The following HYDIN variants were observed in gnomAD, a reference collection of about 807,000 sequenced individuals.
HYDIN encodes the protein axonemal central pair apparatus protein HYDIN.
Under a neutral mutation model 403.9 loss-of-function variants are expected in HYDIN, and 132 were observed. The observed-to-expected ratio is 0.33, with a 90% CI of 0.28 to 0.38. The LOEUF is 0.38. Ranked by LOEUF, HYDIN falls within the 10% of genes least tolerant of loss-of-function variation. HYDIN has a pLI of 1.00. For missense variants in HYDIN, 2,827 were observed against 5,009.5 expected, an observed-to-expected ratio of 0.56 and a Z score of 13.15; for synonymous variants, 1,202 against 1,891.7, an observed-to-expected ratio of 0.64 and a Z score of 9.46.
At chr16:71,136,746 G>A (rs769740217) in intron 8 of HYDIN, among the ~76,000 whole-genome samples, 16 of 131,182 alleles carry the variant, frequency 1.2e-4, no homozygotes, top group South Asian at 9.9e-4. Flanking sequence ...CAGCCCTGGC[G>A]ACAGTACGAG....
chr16:71,133,861 G>T (rs1033150669), intron 8 of HYDIN, among the ~76,000 whole-genome samples: 16 of 151,254 alleles, frequency 1.1e-4, no homozygotes, highest in South Asian at 2.1e-4. Context: ...TCAAAAGAAA[G>T]AAATAAAGGT....
At chr16:71,169,311 T>C (rs992355063) in intron 5 of HYDIN, among the ~76,000 whole-genome samples, 1 of 152,104 alleles carries the variant, frequency 6.6e-6, no homozygotes, top group Admixed American at 6.6e-5. Flanking sequence ...CGGGTGCCTA[T>C]AATCCCAGCT....
chr16:71,027,553 A>G (rs1176671289), intron 20 of HYDIN, 49 bp downstream of exon 20: 2 of 1,612,054 alleles, frequency 1.2e-6, no homozygotes, highest in South Asian at 2.2e-5. Context: ...GATACAGTAG[A>G]GATTTATTTA....
At chr16:71,044,231 G>C (rs1302305164) in intron 18 of HYDIN, among the ~76,000 whole-genome samples, 2 of 144,508 alleles carry the variant, frequency 1.4e-5, no homozygotes, top group Non-Finnish European at 1.5e-5. Context: ...CTTTTTTGTA[G>C]TTCATTTGTT....
chr16:71,100,556 A>G (rs2083427557), intron 10 of HYDIN, among the ~76,000 whole-genome samples: 1 of 152,222 alleles, frequency 6.6e-6, no homozygotes, highest in Non-Finnish European at 1.5e-5. Flanking sequence ...CAAAATGACA[A>G]AGGAAACAGA....
chr16:70,812,403 C>T (rs1239450432), intron 84 of HYDIN, among the ~76,000 whole-genome samples: 3 of 152,168 alleles, frequency 2.0e-5, no homozygotes, highest in Non-Finnish European at 4.4e-5. Context: ...GCATGAGAAT[C>T]ACTTGAATCT....
intron 39 of HYDIN, among the ~76,000 whole-genome samples, chr16:70,957,106 C>G (rs2078264784): frequency 6.6e-6 from 1 of 151,452 alleles, no homozygotes. Flanking sequence ...CGAACTGAAA[C>G]TCTGTACCCA....
At chr16:71,106,702 C>T (rs1179300428) in intron 10 of HYDIN, among the ~76,000 whole-genome samples, 6 of 151,660 alleles carry the variant, frequency 4.0e-5, no homozygotes, top group Admixed American at 2.0e-4. Flanking sequence ...CACTGTACAA[C>T]AATGAAAATG....
At chr16:70,914,537 T>C (rs1412151316) in intron 47 of HYDIN, among the ~76,000 whole-genome samples, 1 of 139,820 alleles carries the variant, frequency 7.2e-6, no homozygotes. Context: ...CCTTTGTTGA[T>C]TATGTTGTTT....
intron 76 of HYDIN, among the ~76,000 whole-genome samples, chr16:70,839,634 T>C (rs900534749): frequency 1.3e-5 from 2 of 152,090 alleles, no homozygotes; most frequent in Admixed American, 6.6e-5. Flanking sequence ...GCTCAGAACC[T>C]TGGACTAGAA....
chr16:70,842,547 C>T (rs1387573767), intron 75 of HYDIN, among the ~76,000 whole-genome samples: 1 of 152,052 alleles, frequency 6.6e-6, no homozygotes, highest in African/African-American at 2.4e-5. Flanking sequence ...TACCCTAGCT[C>T]TTGTTGGTTA....
intron 45 of HYDIN, among the ~76,000 whole-genome samples, chr16:70,931,832 T>A (rs527516308): frequency 1.3e-5 from 2 of 150,030 alleles, no homozygotes; most frequent in Non-Finnish European, 3.0e-5. Flanking sequence ...CTGGCCAATA[T>A]GGTGAAATCC....
chr16:71,115,220 G>C (rs1339690221), intron 10 of HYDIN, among the ~76,000 whole-genome samples: 1 of 152,010 alleles, frequency 6.6e-6, no homozygotes, highest in Non-Finnish European at 1.5e-5. Flanking sequence ...TAGTGAGTGA[G>C]TTCTCACGAG....
At position 70,802,936 on chromosome 16, in the gene HYDIN, A is replaced by G. The variant is rs973145947; in HGVS notation, c.*4644T>C. 1 of 152,244 alleles carries G rather than the reference A, an allele frequency of 6.6e-6. No homozygotes were observed. Among genetic ancestry groups the G allele is most frequent in the African/African-American group, 2.4e-5 (1 of 41,470 alleles). The allele number at this position is 152,244 out of a possible 1,614,324, so 9.4% of individuals were successfully genotyped here. The stretch of plus-strand genomic sequence containing the variant: ...CCAAGGACATCTCCAAATGTCTTGC[A>G]AAGTTTGGTTTTAGGATTTTGATGA... On this transcript the variant is annotated 3_prime_UTR_variant, in exon 86 of 86. Transcript: ENST00000393567.
intron 53 of HYDIN, among the ~76,000 whole-genome samples, chr16:70,897,693 A>G (rs1446727221): frequency 1.3e-5 from 2 of 151,278 alleles, no homozygotes; most frequent in Non-Finnish European, 2.9e-5. Context: ...AGATGAAATA[A>G]AACAAGTTCA....
chr16:70,955,212 C>T (rs549050791), intron 40 of HYDIN, among the ~76,000 whole-genome samples, 163 bp downstream of exon 40: 9 of 151,816 alleles, frequency 5.9e-5, no homozygotes, highest in South Asian at 2.1e-4. Context: ...AGGAATGCTT[C>T]GTGAAGAGAA....
At chr16:70,946,912 T>G (rs2077882669) in intron 41 of HYDIN, among the ~76,000 whole-genome samples, 1 of 152,234 alleles carries the variant, frequency 6.6e-6, no homozygotes, top group Non-Finnish European at 1.5e-5. Flanking sequence ...TTTGCTGAAG[T>G]TGCTTATCAG....
At chr16:70,970,420 A>G (rs1268435673) in intron 36 of HYDIN, 100 bp downstream of exon 36, 5 of 751,730 alleles carry the variant, frequency 6.7e-6, no homozygotes, top group African/African-American at 1.8e-5. Context: ...AGTAGGTCAG[A>G]AAAGGCTATA....
Position 71,179,438 on chromosome 16 carries a change from A to G in HYDIN, c.262-391T>C, listed in dbSNP as rs1160447148. ...ATAAACACATTTTCAGAGAAATAAA[A>G]ATTGAAAAATGTTGTCACCAACTTC... On this transcript the variant is annotated intron_variant, in intron 3 of 85. Coordinates refer to ENST00000393567, the MANE Select transcript of HYDIN (RefSeq NM_001270974.2). Among the ~76,000 whole-genome samples the G allele has an allele frequency of 2.6e-5, 4 of 152,226 alleles. No homozygotes were observed. The East Asian group carries it at 5.8e-4, about 22-fold the overall frequency.
Sources: gnomAD v4.1 joint callset for allele counts (sites outside exome capture counted in the v4.1 genomes callset) on GRCh38, gnomAD v4.1.1 for gene constraint, MANE v1.5 for transcripts, NCBI Gene and HGNC (gene_info 2026-07-23, HGNC 2026-07-21) for gene names.